SYNPR: variants seen among roughly 807,000 people sequenced by gnomAD.
The protein encoded by SYNPR is synaptoporin.
A neutral mutation model predicts 32.9 loss-of-function variants in SYNPR; 23 were observed. That is an observed-to-expected ratio of 0.70 (90% CI 0.50 to 0.99). SYNPR has a LOEUF of 0.99. SYNPR is among the 50% of genes least tolerant of loss of function. SYNPR has a pLI of 0.00. For synonymous variants in SYNPR, 146 were observed against 135.9 expected, an observed-to-expected ratio of 1.07 and a Z score of -0.52; for missense variants, 318 against 349.3, an observed-to-expected ratio of 0.91 and a Z score of 0.71.
chr3:63,235,984 AG>A (rs2086197903), intron 1 of SYNPR, among the ~76,000 whole-genome samples: 1 of 151,948 alleles, frequency 6.6e-6, no homozygotes, highest in Admixed American at 6.6e-5. Flanking sequence ...TTTTCCAAAA[AG>A]TTTTATAGTT....
At chr3:63,533,716 A>G (rs1401647130) in intron 3 of SYNPR, among the ~76,000 whole-genome samples, 1 of 152,296 alleles carries the variant, frequency 6.6e-6, no homozygotes, top group African/African-American at 2.4e-5. Flanking sequence ...GCATTGTTAT[A>G]GGCATGATTC....
At chr3:63,289,309 TAG>T (rs2086716426) in intron 2 of SYNPR, 1 of 152,308 alleles carries the variant, frequency 6.6e-6, no homozygotes, top group African/African-American at 2.4e-5. Flanking sequence ...TGTGTTGCTG[TAG>T]AGGAATACAT....
chr3:63,248,696 G>A (rs1335739697), intron 1 of SYNPR, among the ~76,000 whole-genome samples: 3 of 152,148 alleles, frequency 2.0e-5, no homozygotes, highest in Non-Finnish European at 4.4e-5. Context: ...TAAGATATGT[G>A]AAATAGATGC....
chr3:63,232,192 C>CTTTTTTTTT lies in SYNPR; in HGVS notation n.66+3831_66+3839dup, dbSNP rs57078088. 5.5e-4 allele frequency among the ~76,000 whole-genome samples: 33 copies of CTTTTTTTTT among 59,536 alleles called. 5 individuals carry two copies. Among genetic ancestry groups the CTTTTTTTTT allele is most frequent in the East Asian group, 8.5e-4 (1 of 1,180 alleles). The allele number at this position is 59,536 out of a possible 152,430, so 39.1% of individuals were successfully genotyped here. ...CTCAAGTGAGTATTTCAGATTCTGA[C>CTTTTTTTTT]TTTTTTTTTTTTTTTTTTTTTTTTT... On this transcript the variant is annotated intron_variant and non_coding_transcript_variant, in intron 1 of 4. Coordinates refer to the SYNPR transcript ENST00000478456.
At chr3:63,227,638 A>C (rs566455799), upstream of SYNPR, among the ~76,000 whole-genome samples, 1 of 152,328 alleles carries the variant, frequency 6.6e-6, no homozygotes, top group South Asian at 2.1e-4. Flanking sequence ...CTTTGTCCTC[A>C]TTGTTATGAA....
At position 63,562,364 on chromosome 3, in the gene SYNPR, T is replaced by C. The variant is rs534570050; in HGVS notation, c.408+5623T>C. ...TAATAAATACCATCTCATGTTTCAG[T>C]GAATCTGTATTGCAAGACGTTTGGC... On this transcript the variant is annotated intron_variant, in intron 4 of 5. Transcript: ENST00000478300. 9.2e-5 allele frequency among the ~76,000 whole-genome samples: 14 copies of C among 152,330 alleles called. No homozygotes were observed. In the South Asian group the frequency reaches 1.9e-3, roughly 20 times the overall value.
At chr3:63,332,988 C>T (rs1399042066) in intron 2 of SYNPR, among the ~76,000 whole-genome samples, 1 of 152,018 alleles carries the variant, frequency 6.6e-6, no homozygotes, top group Non-Finnish European at 1.5e-5. Context: ...ACCAGTTGGA[C>T]AACCAAAAAT....
rs17068815 is a variant in SYNPR at position 63,492,276 on chromosome 3, T to C, written c.209+11320T>C. On this transcript the variant is annotated intron_variant, in intron 3 of 5. Transcript: ENST00000478300. Reference sequence around the variant, plus strand: ...GCATGGGATCAGAACAACCAGATGATGACTACCACAGAAACCCTTGCTGAA... The same window carrying C: ...GCATGGGATCAGAACAACCAGATGACGACTACCACAGAAACCCTTGCTGAA... 4.2e-3 allele frequency among the ~76,000 whole-genome samples: 641 copies of C among 152,242 alleles called. 3 individuals carry two copies. The highest frequency in any genetic ancestry group is 0.015 in the African/African-American group (618 of 41,546).
At chr3:63,592,575 T>A (rs1023315182) in intron 4 of SYNPR, among the ~76,000 whole-genome samples, 2 of 152,118 alleles carry the variant, frequency 1.3e-5, no homozygotes, top group Non-Finnish European at 2.9e-5. Flanking sequence ...AAATATTGTC[T>A]CTATTCTATT....
chr3:63,206,014 G>A, the SYNPR span, among the ~76,000 whole-genome samples: 1 of 152,082 alleles, frequency 6.6e-6, no homozygotes, highest in Non-Finnish European at 1.5e-5. Context: ...AACGATGCTG[G>A]TTTTCTTCTG....
chr3:63,432,518 A>T (rs1024662670), intron 2 of SYNPR, among the ~76,000 whole-genome samples: 10 of 152,222 alleles, frequency 6.6e-5, no homozygotes, highest in African/African-American at 1.9e-4. Flanking sequence ...GGATTAAATG[A>T]GTTAATTCCT....
At chr3:63,274,425 T>C (rs957727934), upstream of SYNPR, among the ~76,000 whole-genome samples, 7 of 152,202 alleles carry the variant, frequency 4.6e-5, no homozygotes, top group Non-Finnish European at 1.0e-4. Context: ...GAGAACAAGA[T>C]TTAATTTGCC....
chr3:63,524,539 A>G (rs79978387), intron 3 of SYNPR, among the ~76,000 whole-genome samples: 14,568 of 152,064 alleles, frequency 0.096, 976 homozygotes, highest in Middle Eastern at 0.22. Flanking sequence ...TTGTCTCCCA[A>G]TGTCTCAGAG....
chr3:63,537,837 T>A (rs531558685), intron 3 of SYNPR, among the ~76,000 whole-genome samples: 42 of 152,246 alleles, frequency 2.8e-4, no homozygotes, highest in African/African-American at 9.9e-4. Flanking sequence ...AAGCTGAGCT[T>A]CCTAAGAAGA....
intron 2 of SYNPR, among the ~76,000 whole-genome samples, chr3:63,333,466 G>A (rs1342123327): frequency 2.0e-5 from 3 of 152,186 alleles, no homozygotes; most frequent in African/African-American, 7.2e-5. Flanking sequence ...ACCTAGGCTG[G>A]AGTGCAGTGA....
At chr3:63,406,503 T>C (rs1349655220) in intron 2 of SYNPR, among the ~76,000 whole-genome samples, 3 of 151,716 alleles carry the variant, frequency 2.0e-5, no homozygotes, top group Admixed American at 6.6e-5. Flanking sequence ...GAACCTAGAC[T>C]GAGAAAGATT....
At chr3:63,528,373 A>G (rs79541386) in intron 3 of SYNPR, among the ~76,000 whole-genome samples, 98 of 152,320 alleles carry the variant, frequency 6.4e-4, no homozygotes, top group African/African-American at 2.3e-3. Context: ...GGGCCATGCA[A>G]TATGCAACAA....
chr3:63,583,966 T>C (rs1237492448), intron 4 of SYNPR, among the ~76,000 whole-genome samples: 1 of 152,090 alleles, frequency 6.6e-6, no homozygotes, highest in Non-Finnish European at 1.5e-5. Flanking sequence ...TGGAAAAGAC[T>C]GGTAGAGCAG....
chr3:63,471,975 A>C (rs1700809013), intron 2 of SYNPR, among the ~76,000 whole-genome samples: 1 of 152,196 alleles, frequency 6.6e-6, no homozygotes, highest in Admixed American at 6.5e-5. Flanking sequence ...CTTTTCAAAT[A>C]TTCCTATCAT....
Sources: gnomAD v4.1 joint callset for allele counts (sites outside exome capture counted in the v4.1 genomes callset) on GRCh38, gnomAD v4.1.1 for gene constraint, MANE v1.5 for transcripts, NCBI Gene and HGNC (gene_info 2026-07-23, HGNC 2026-07-21) for gene names.